Variants in GNG2 observed in about 807,000 individuals in gnomAD.
The protein encoded by GNG2 is G protein subunit gamma 2.
In GNG2, 5 loss-of-function variants were observed where a neutral mutation model predicts 5.5. The ratio of observed to expected loss-of-function variants is 0.91; its 90% CI spans 0.48 to 1.92. The LOEUF (loss-of-function observed/expected upper bound fraction) is 1.92, where lower values mean the gene tolerates loss of function less well. GNG2 is among the 30% of genes most tolerant of loss of function. GNG2 has a pLI of 0.01. For synonymous variants in GNG2, 28 were observed against 32.0 expected (o/e 0.88, Z 0.42); for missense variants, 55 against 88.4 (o/e 0.62, Z 1.52).
chr14:51,939,361 G>C (rs1407646054), intron 2 of GNG2, among the ~76,000 whole-genome samples: 1 of 152,074 alleles, frequency 6.6e-6, no homozygotes, highest in Non-Finnish European at 1.5e-5. Flanking sequence ...TTTTTGTCAG[G>C]GTTGTTAGAA....
At chr14:51,874,130 C>T (rs1360895857) in intron 1 of GNG2, 1 of 152,200 alleles carries the variant, frequency 6.6e-6, no homozygotes, top group Non-Finnish European at 1.5e-5. Flanking sequence ...TCTAAATTCA[C>T]TTTAAGAAGC....
chr14:51,883,074 A>G (rs1033068921), intron 2 of GNG2, among the ~76,000 whole-genome samples: 1 of 152,060 alleles, frequency 6.6e-6, no homozygotes, highest in Non-Finnish European at 1.5e-5. Flanking sequence ...CTTTAATGAA[A>G]TGAGAGCAAG....
intron 2 of GNG2, among the ~76,000 whole-genome samples, chr14:51,924,104 A>G (rs900072450): frequency 6.6e-6 from 1 of 152,210 alleles, no homozygotes; most frequent in Non-Finnish European, 1.5e-5. Flanking sequence ...CTAACATCAT[A>G]TTGAGATTGG....
intron 1 of GNG2, among the ~76,000 whole-genome samples, chr14:51,874,958 G>C (rs1245701490): frequency 6.6e-6 from 1 of 151,792 alleles, no homozygotes; most frequent in African/African-American, 2.4e-5. Context: ...GTTTTTTTCT[G>C]ATCATCAAAG....
chr14:51,931,629 A>G (rs1383490409), intron 2 of GNG2, among the ~76,000 whole-genome samples: 1 of 152,204 alleles, frequency 6.6e-6, no homozygotes. Context: ...GAATCAAACC[A>G]AGAAGAGAGA....
chr14:51,837,356 A>G (rs1881359449), intron 2 of GNG2, among the ~76,000 whole-genome samples: 1 of 152,120 alleles, frequency 6.6e-6, no homozygotes, highest in Non-Finnish European at 1.5e-5. Flanking sequence ...AAATTAAAAT[A>G]TAACTCGGCC....
At chr14:51,945,772 A>ATGTATG (rs897778600) in intron 2 of GNG2, among the ~76,000 whole-genome samples, 2 of 123,402 alleles carry the variant, frequency 1.6e-5, no homozygotes, top group African/African-American at 6.4e-5. Flanking sequence ...GGGTGTGTGC[A>ATGTATG]TGTATGTGTA....
chr14:51,874,424 CAAAA>C (rs71121671), intron 1 of GNG2, among the ~76,000 whole-genome samples: 1 of 95,770 alleles, frequency 1.0e-5, no homozygotes, highest in Non-Finnish European at 2.2e-5. Flanking sequence ...GACTCTGTCT[CAAAA>C]AAAAAAAAAA....
intron 2 of GNG2, among the ~76,000 whole-genome samples, chr14:51,936,044 C>T (rs188268249): frequency 3.9e-5 from 6 of 152,112 alleles, no homozygotes; most frequent in East Asian, 1.9e-4. Flanking sequence ...CAAGCCCCAT[C>T]CTGGAGAGTC....
intron 2 of GNG2, among the ~76,000 whole-genome samples, chr14:51,888,857 G>A (rs1310642497): frequency 2.0e-5 from 3 of 152,108 alleles, no homozygotes; most frequent in South Asian, 2.1e-4. Flanking sequence ...TAAATGTGGT[G>A]TATCTATACA....
chr14:51,827,678 A>AAT, exon 2 of GNG2: 2 of 702,028 alleles, frequency 2.8e-6, no homozygotes, highest in Non-Finnish European at 5.2e-6. Context: ...AATTACACGC[A>AAT]GTGGAAAAGC....
intron 2 of GNG2, among the ~76,000 whole-genome samples, chr14:51,907,327 AAAAT>A (rs1306311659): frequency 6.6e-6 from 1 of 152,254 alleles, no homozygotes; most frequent in Non-Finnish European, 1.5e-5. Context: ...TTTTAAACAG[AAAAT>A]AAATCATCCT....
chr14:51,942,590 T>TTTCTTTCTTTCTTTCTTTC (rs1555356835), intron 2 of GNG2, among the ~76,000 whole-genome samples: 2 of 36,542 alleles, frequency 5.5e-5, no homozygotes, highest in Admixed American at 2.4e-4. Context: ...TCTTTCTTTC[T>TTTCTTTCTTTCTTTCTTTC]TTTTTTTTTT....
chr14:51,883,214 A>G (rs1884222422), intron 2 of GNG2, among the ~76,000 whole-genome samples: 1 of 152,144 alleles, frequency 6.6e-6, no homozygotes, highest in Admixed American at 6.5e-5. Context: ...CCTTGGCTTA[A>G]CTATGAAACT....
intron 2 of GNG2, among the ~76,000 whole-genome samples, chr14:51,927,781 G>C (rs1164115674): frequency 6.6e-6 from 1 of 152,198 alleles, no homozygotes; most frequent in Non-Finnish European, 1.5e-5. Context: ...ATTAAATAAG[G>C]CTACCTAGAT....
chr14:51,833,363 A>G (rs1430498962), intron 2 of GNG2, among the ~76,000 whole-genome samples: 1 of 152,054 alleles, frequency 6.6e-6, no homozygotes, highest in Admixed American at 6.5e-5. Flanking sequence ...CTCTTTGTTC[A>G]TGAATTTCTT....
At chr14:51,861,788 T>A (rs1388147049) in intron 1 of GNG2, among the ~76,000 whole-genome samples, 4 of 152,186 alleles carry the variant, frequency 2.6e-5, no homozygotes, top group Admixed American at 6.5e-5. Flanking sequence ...TATTAGGGAG[T>A]TTAATACCCT....
chr14:51,935,218 G>A (rs983827409), intron 2 of GNG2, among the ~76,000 whole-genome samples: 3 of 151,586 alleles, frequency 2.0e-5, no homozygotes, highest in Non-Finnish European at 4.4e-5. Flanking sequence ...GTAGAGACGG[G>A]GTTTCACTGT....
chr14:51,868,947 C>G (rs1254350014), intron 1 of GNG2, among the ~76,000 whole-genome samples: 1 of 152,146 alleles, frequency 6.6e-6, no homozygotes, highest in Non-Finnish European at 1.5e-5. Context: ...AAATACCATT[C>G]TTATTGTTTA....
Sources: gnomAD v4.1 joint callset for allele counts (sites outside exome capture counted in the v4.1 genomes callset) on GRCh38, gnomAD v4.1.1 for gene constraint, MANE v1.5 for transcripts, NCBI Gene and HGNC (gene_info 2026-07-23, HGNC 2026-07-21) for gene names.